The following KCNQ5 variants were observed in gnomAD, a reference collection of about 807,000 sequenced individuals.
KCNQ5 encodes potassium voltage-gated channel subfamily KQT member 5.
KCNQ5 carries 30 observed loss-of-function variants against 98.2 expected under a neutral mutation model. The observed-to-expected ratio is 0.31, with a 90% CI of 0.23 to 0.41. The LOEUF (loss-of-function observed/expected upper bound fraction) is 0.41, where lower values mean the gene tolerates loss of function less well. KCNQ5 is among the 10% of genes least tolerant of loss of function. The pLI is 1.00. For synonymous variants in KCNQ5, 458 were observed against 449.4 expected (o/e 1.02, Z -0.24); for missense variants, 835 against 1,182.5 (o/e 0.71, Z 4.31).
intron 1 of KCNQ5, among the ~76,000 whole-genome samples, chr6:72,755,172 G>A (rs1251522923): frequency 1.3e-5 from 2 of 151,710 alleles, no homozygotes; most frequent in East Asian, 1.9e-4. Flanking sequence ...CTTTTGATTA[G>A]CATTTGTGTG....
At chr6:72,917,117 G>T (rs1160255360) in intron 1 of KCNQ5, among the ~76,000 whole-genome samples, 1 of 152,212 alleles carries the variant, frequency 6.6e-6, no homozygotes, top group African/African-American at 2.4e-5. Context: ...AGCCCAGGGT[G>T]CTGAAGGGAG....
chr6:72,735,787 A>T (rs1196688890), intron 1 of KCNQ5, among the ~76,000 whole-genome samples: 3 of 152,006 alleles, frequency 2.0e-5, no homozygotes, highest in Non-Finnish European at 2.9e-5. Context: ...TGCTTTGAAA[A>T]ATGAAGAAGC....
intron 2 of KCNQ5, among the ~76,000 whole-genome samples, chr6:73,011,210 C>A (rs540766935): frequency 6.6e-6 from 1 of 152,058 alleles, no homozygotes; most frequent in Non-Finnish European, 1.5e-5. Context: ...GATGTAGTTT[C>A]CTGTAACATT....
At chr6:73,067,892 ATATATATATATAT>A (rs1562159113) in intron 3 of KCNQ5, among the ~76,000 whole-genome samples, 41 of 544 alleles carry the variant, frequency 0.075, no homozygotes, top group Admixed American at 0.1. Flanking sequence ...ATATATATAT[ATATATATATATAT>A]AACTAAAATT....
At chr6:73,149,348 G>A (rs1401089123) in intron 10 of KCNQ5, among the ~76,000 whole-genome samples, 1 of 152,150 alleles carries the variant, frequency 6.6e-6, no homozygotes, top group Non-Finnish European at 1.5e-5. Context: ...ATGTATACCT[G>A]GTTTTAAAGG....
At chr6:72,684,167 C>T (rs1467467433) in intron 1 of KCNQ5, among the ~76,000 whole-genome samples, 5 of 152,154 alleles carry the variant, frequency 3.3e-5, no homozygotes. Context: ...CTTCCAATTC[C>T]GAATGAGTAT....
At chr6:72,628,406 C>G (rs2098919066) in intron 1 of KCNQ5, among the ~76,000 whole-genome samples, 1 of 152,084 alleles carries the variant, frequency 6.6e-6, no homozygotes, top group African/African-American at 2.4e-5. Flanking sequence ...TGTCTGTGAT[C>G]CGAGATGGTG....
chr6:73,098,885 A>C (rs1364855086), intron 5 of KCNQ5, among the ~76,000 whole-genome samples: 1 of 152,184 alleles, frequency 6.6e-6, no homozygotes, highest in Non-Finnish European at 1.5e-5. Context: ...CTAATTATTT[A>C]TATTTTAAGT....
chr6:72,653,908 A>G (rs534486268), intron 1 of KCNQ5, among the ~76,000 whole-genome samples: 2 of 152,166 alleles, frequency 1.3e-5, no homozygotes, highest in Admixed American at 1.3e-4. Context: ...AAAACTGTTT[A>G]CTCATCTGTA....
chr6:73,031,621 G>C (rs1478537566), intron 2 of KCNQ5, among the ~76,000 whole-genome samples: 2 of 152,172 alleles, frequency 1.3e-5, no homozygotes, highest in Non-Finnish European at 2.9e-5. Flanking sequence ...CAGAATTTCT[G>C]GCACGAGATT....
rs546282695 is a variant in KCNQ5 at position 73,058,406 on chromosome 6, G to A, written c.616+16344G>A. ...CCAGCCTGGGCGACAGCGAGACTCC[G>A]TCTCAAAAAAAAACAAACCTAAAAC... On this transcript the variant is annotated intron_variant, in intron 3 of 13. Transcript: ENST00000370398. 6.6e-5 allele frequency among the ~76,000 whole-genome samples: 10 copies of A among 151,958 alleles called. No homozygotes were observed. In the East Asian group the frequency reaches 1.4e-3, roughly 21 times the overall value.
intron 1 of KCNQ5, among the ~76,000 whole-genome samples, chr6:72,626,337 T>C (rs1196567720): frequency 2.6e-5 from 4 of 152,226 alleles, no homozygotes; most frequent in Admixed American, 6.5e-5. Context: ...CAGGAGGGAA[T>C]GAACAATCTT....
At chr6:73,018,875 T>C (rs1461669978) in intron 2 of KCNQ5, among the ~76,000 whole-genome samples, 1 of 152,210 alleles carries the variant, frequency 6.6e-6, no homozygotes, top group Non-Finnish European at 1.5e-5. Flanking sequence ...TTGGCCTATC[T>C]GAATGCACCA....
intron 2 of KCNQ5, among the ~76,000 whole-genome samples, chr6:73,012,238 G>A (rs552578869): frequency 2.0e-5 from 3 of 152,058 alleles, no homozygotes; most frequent in East Asian, 3.9e-4. Flanking sequence ...ACAAGTGAAC[G>A]GATAAGCAAA....
chr6:72,853,501 G>A (rs953023871), intron 1 of KCNQ5, among the ~76,000 whole-genome samples: 15 of 151,930 alleles, frequency 9.9e-5, no homozygotes, highest in South Asian at 6.3e-4. Context: ...GTGCCACTAC[G>A]CCTGGCTAAT....
chr6:72,747,948 G>T (rs1019357371), intron 1 of KCNQ5, among the ~76,000 whole-genome samples: 1 of 152,144 alleles, frequency 6.6e-6, no homozygotes, highest in African/African-American at 2.4e-5. Context: ...CTGTAGTTCA[G>T]TGGGACTTTC....
chr6:73,170,704 G>C (rs1013516688), intron 11 of KCNQ5, among the ~76,000 whole-genome samples: 2 of 151,958 alleles, frequency 1.3e-5, no homozygotes, highest in Non-Finnish European at 2.9e-5. Context: ...GAGGCTGAGG[G>C]GGGCAGATCA....
At chr6:72,786,608 G>C (rs1217848822) in intron 1 of KCNQ5, among the ~76,000 whole-genome samples, 1 of 152,080 alleles carries the variant, frequency 6.6e-6, no homozygotes, top group African/African-American at 2.4e-5. Context: ...CTAGATCTCA[G>C]CCACACGGGT....
chr6:72,867,970 C>CTAA lies in KCNQ5; in HGVS notation c.399-135921_399-135919dup, dbSNP rs1210863226. ...ACTAATACTACTACTACTACTACTA[C>CTAA]TAATAATAATAATAATAATTGGAGA... On this transcript the variant is annotated intron_variant, in intron 1 of 13. Coordinates refer to ENST00000370398, the MANE Select transcript of KCNQ5 (RefSeq NM_019842.4). 1.5e-3 allele frequency among the ~76,000 whole-genome samples: 218 copies of CTAA among 146,806 alleles called. 1 individual carries two copies. The highest frequency in any genetic ancestry group is 7.2e-3 in the Middle Eastern group (2 of 276).
Sources: gnomAD v4.1 joint callset for allele counts (sites outside exome capture counted in the v4.1 genomes callset) on GRCh38, gnomAD v4.1.1 for gene constraint, MANE v1.5 for transcripts, NCBI Gene and HGNC (gene_info 2026-07-23, HGNC 2026-07-21) for gene names.